Variants in ATXN7L1 observed in about 807,000 individuals in gnomAD.
ATXN7L1 encodes ataxin-7-like protein 1.
ATXN7L1 carries 15 observed loss-of-function variants against 70.8 expected under a neutral mutation model. The ratio of observed to expected loss-of-function variants is 0.21; its 90% CI spans 0.14 to 0.33. The LOEUF is 0.33. Ranked by LOEUF, ATXN7L1 falls within the 10% of genes least tolerant of loss-of-function variation. ATXN7L1 has a pLI of 1.00. For synonymous variants in ATXN7L1, 440 were observed against 445.1 expected (o/e 0.99, Z 0.14); for missense variants, 975 against 1,097.1 (o/e 0.89, Z 1.57).
At chr7:105,652,378 A>T (rs1480130878) in intron 4 of ATXN7L1, among the ~76,000 whole-genome samples, 1 of 152,218 alleles carries the variant, frequency 6.6e-6, no homozygotes, top group African/African-American at 2.4e-5. Context: ...AGAGCCTGGG[A>T]GGGCAGGAAT....
chr7:105,652,648 C>A (rs1800028610), intron 4 of ATXN7L1, among the ~76,000 whole-genome samples: 1 of 152,332 alleles, frequency 6.6e-6, no homozygotes, highest in Non-Finnish European at 1.5e-5. Flanking sequence ...AACCCTGACC[C>A]AAGGGGAGAC....
rs568065495 is a variant in ATXN7L1 at position 105,610,638 on chromosome 7, C to T, written c.2473-35G>A. 465 of 1,534,664 alleles carry T rather than the reference C, an allele frequency of 3.0e-4. 3 individuals carry two copies. In the South Asian group the frequency reaches 3.4e-3, roughly 11 times the overall value. On this transcript the variant is annotated intron_variant, in intron 10 of 11. Coordinates refer to ENST00000419735, the MANE Select transcript of ATXN7L1 (RefSeq NM_020725.2). ...ACCATTGAAGCCCCACTCAGACACACGAGCCAGCCTGGGAAGGGCCCGCCG... is the reference window on the plus strand; with the variant it reads ...ACCATTGAAGCCCCACTCAGACACATGAGCCAGCCTGGGAAGGGCCCGCCG...
At chr7:105,723,161 C>T (rs984369775) in intron 3 of ATXN7L1, among the ~76,000 whole-genome samples, 1 of 152,172 alleles carries the variant, frequency 6.6e-6, no homozygotes, top group Non-Finnish European at 1.5e-5. Flanking sequence ...CTCTGCAAAG[C>T]AGAGGGGCTA....
chr7:105,706,794 T>C (rs1052321983), intron 3 of ATXN7L1, among the ~76,000 whole-genome samples: 3 of 152,214 alleles, frequency 2.0e-5, no homozygotes, highest in African/African-American at 7.2e-5. Context: ...GACTCTGGCC[T>C]AATGAAAAAC....
chr7:105,722,556 G>T (rs1795306370), intron 3 of ATXN7L1, among the ~76,000 whole-genome samples: 1 of 66,542 alleles, frequency 1.5e-5, no homozygotes, highest in African/African-American at 7.4e-5. Context: ...GTGAGACTCT[G>T]CCTTAAAAAA....
intron 2 of ATXN7L1, among the ~76,000 whole-genome samples, chr7:105,860,166 T>TATATATAC (rs1381967381): frequency 7.1e-6 from 1 of 140,758 alleles, no homozygotes; most frequent in African/African-American, 2.6e-5. Context: ...TATATATATA[T>TATATATAC]ATGAAAACAA....
chr7:105,667,093 A>G (rs1439236677), intron 3 of ATXN7L1, among the ~76,000 whole-genome samples: 2 of 152,174 alleles, frequency 1.3e-5, no homozygotes, highest in African/African-American at 2.4e-5. Flanking sequence ...ATATTGAACA[A>G]TTTTACTCAG....
chr7:105,876,297 C>T, intron 1 of ATXN7L1, 81 bp downstream of exon 1: 1 of 1,463,000 alleles, frequency 6.8e-7, no homozygotes, highest in Non-Finnish European at 9.1e-7. Flanking sequence ...CTCTCTCACA[C>T]ACACACTTTT....
At chr7:105,625,062 C>T (rs546889781) in intron 7 of ATXN7L1, among the ~76,000 whole-genome samples, 10 of 152,276 alleles carry the variant, frequency 6.6e-5, no homozygotes, top group African/African-American at 1.9e-4. Flanking sequence ...TGAAGAAATG[C>T]AGTCCTATGC....
At chr7:105,636,769 C>T (rs918427885) in intron 7 of ATXN7L1, among the ~76,000 whole-genome samples, 1 of 151,990 alleles carries the variant, frequency 6.6e-6, no homozygotes, top group Admixed American at 6.6e-5. Flanking sequence ...CTTGGGGAAC[C>T]CAAGGATATC....
chr7:105,629,949 C>G (rs890119574), intron 7 of ATXN7L1, among the ~76,000 whole-genome samples: 9 of 152,118 alleles, frequency 5.9e-5, no homozygotes, highest in Non-Finnish European at 1.0e-4. Flanking sequence ...TCCCAAGTAG[C>G]TGGGATTACA....
At chr7:105,622,689 C>T (rs140991828) in intron 8 of ATXN7L1, among the ~76,000 whole-genome samples, 8 of 152,336 alleles carry the variant, frequency 5.3e-5, no homozygotes, top group East Asian at 1.9e-4. Context: ...TTCTCTGCTG[C>T]GAATTGATCC....
At chr7:105,747,424 T>C (rs997324787) in intron 3 of ATXN7L1, among the ~76,000 whole-genome samples, 10 of 152,212 alleles carry the variant, frequency 6.6e-5, no homozygotes, top group South Asian at 2.1e-4. Flanking sequence ...TCTAGCTCCA[T>C]AGGGACAGAA....
At chr7:105,863,734 A>G (rs2116660611) in intron 2 of ATXN7L1, among the ~76,000 whole-genome samples, 1 of 152,326 alleles carries the variant, frequency 6.6e-6, no homozygotes, top group South Asian at 2.1e-4. Flanking sequence ...TCTCTGAAAT[A>G]GGGTTGATAA....
intron 3 of ATXN7L1, among the ~76,000 whole-genome samples, chr7:105,698,058 T>C (rs1280611495): frequency 1.3e-5 from 2 of 152,304 alleles, no homozygotes; most frequent in African/African-American, 4.8e-5. Context: ...TTTTGGGAGA[T>C]ACAGAGGCAA....
chr7:105,813,289 G>T (rs1234559244), intron 2 of ATXN7L1, among the ~76,000 whole-genome samples: 1 of 151,912 alleles, frequency 6.6e-6, no homozygotes, highest in African/African-American at 2.4e-5. Context: ...AACCCAGGTT[G>T]GCTCCTGGTG....
chr7:105,679,790 G>C (rs569260335), intron 3 of ATXN7L1, among the ~76,000 whole-genome samples: 5 of 152,134 alleles, frequency 3.3e-5, no homozygotes, highest in Admixed American at 2.6e-4. Flanking sequence ...AAAAGAAGGC[G>C]GGGGGAGTGA....
intron 3 of ATXN7L1, chr7:105,761,433 C>G: frequency 1.2e-6 from 2 of 1,614,114 alleles, no homozygotes; most frequent in African/African-American, 1.3e-5. Context: ...CCTGGAGATG[C>G]CTTCATTTCT....
At chr7:105,617,728 G>T (rs927220778) in intron 9 of ATXN7L1, 2 of 355,290 alleles carry the variant, frequency 5.6e-6, no homozygotes, top group African/African-American at 4.3e-5. Flanking sequence ...GCCCACAGAT[G>T]CGAATAAATT....
Sources: gnomAD v4.1 joint callset for allele counts (sites outside exome capture counted in the v4.1 genomes callset) on GRCh38, gnomAD v4.1.1 for gene constraint, MANE v1.5 for transcripts, NCBI Gene and HGNC (gene_info 2026-07-23, HGNC 2026-07-21) for gene names.